METTL15: variants seen among roughly 807,000 people sequenced by gnomAD.
The protein encoded by METTL15 is 12S rRNA N(4)-cytidine methyltransferase METTL15.
Under a neutral mutation model 38.3 loss-of-function variants are expected in METTL15, and 34 were observed. The ratio of observed to expected loss-of-function variants is 0.89; its 90% CI spans 0.68 to 1.18. The LOEUF is 1.18. METTL15 is among the 50% of genes most tolerant of loss of function. The pLI is 0.00. For missense variants in METTL15, 438 were observed against 498.4 expected (o/e 0.88, Z 1.15); for synonymous variants, 162 against 170.9 (o/e 0.95, Z 0.41).
chr11:28,290,156 G>T (rs760958604), intron 4 of METTL15, 50 bp from the exon 5 acceptor site: 8 of 1,465,668 alleles, frequency 5.5e-6, no homozygotes, highest in Non-Finnish European at 6.4e-6. Flanking sequence ...ACTTTAGAAA[G>T]ACTTCAATCT....
chr11:28,203,761 T>G (rs1403394795), intron 3 of METTL15, among the ~76,000 whole-genome samples: 3 of 152,060 alleles, frequency 2.0e-5, no homozygotes, highest in Non-Finnish European at 4.4e-5. Flanking sequence ...TTAGTTGTAT[T>G]TGATTAAAAA....
chr11:28,496,751 T>C (rs1851538995), intron 6 of METTL15, among the ~76,000 whole-genome samples: 1 of 152,238 alleles, frequency 6.6e-6, no homozygotes, highest in Non-Finnish European at 1.5e-5. Context: ...GAGGCTCAGC[T>C]AGTGCCCTGA....
intron 4 of METTL15, among the ~76,000 whole-genome samples, chr11:28,212,197 TA>T (rs1300824160): frequency 6.6e-6 from 1 of 152,040 alleles, no homozygotes; most frequent in African/African-American, 2.4e-5. Flanking sequence ...ACTCTCCCCA[TA>T]AAACTATAAA....
chr11:28,318,983 C>G (rs752493325), intron 6 of METTL15, among the ~76,000 whole-genome samples: 1 of 152,098 alleles, frequency 6.6e-6, no homozygotes, highest in Non-Finnish European at 1.5e-5. Context: ...TTCAATAGAA[C>G]AAAAAGGACA....
chr11:28,217,145 C>T (rs1017719852), intron 4 of METTL15, among the ~76,000 whole-genome samples: 71 of 152,274 alleles, frequency 4.7e-4, no homozygotes, highest in African/African-American at 1.5e-3. Context: ...ACACTGACTT[C>T]CATAACGGTT....
rs1398873381 is a variant in METTL15, at chr11:28,195,657, G to A, written c.271-15405G>A. Among the ~76,000 whole-genome samples the A allele has an allele frequency of 3.3e-5, 5 of 152,064 alleles. No homozygotes were observed. The East Asian group carries it at 9.7e-4, about 29-fold the overall frequency. On this transcript the variant is annotated intron_variant, in intron 3 of 6. Coordinates refer to ENST00000407364, the MANE Select transcript of METTL15 (RefSeq NM_001113528.2). The stretch of plus-strand genomic sequence containing the variant: ...GCACATATTTTCTCTCATTCTCTAG[G>A]TTGTCTGTTTACTCTGATGATTTTT...
At chr11:28,211,969 T>A (rs1852659941) in intron 4 of METTL15, among the ~76,000 whole-genome samples, 1 of 152,022 alleles carries the variant, frequency 6.6e-6, no homozygotes, top group Admixed American at 6.6e-5. Context: ...GAACTGTAGT[T>A]CACATCAAAA....
At chr11:28,383,160 C>A (rs1218902932) in intron 5 of METTL15, among the ~76,000 whole-genome samples, 1 of 152,026 alleles carries the variant, frequency 6.6e-6, no homozygotes, top group South Asian at 2.1e-4. Flanking sequence ...TTGTCGCCTT[C>A]TTTGTGTTCA....
intron 6 of METTL15, among the ~76,000 whole-genome samples, chr11:28,483,065 C>T (rs900259157): frequency 1.3e-5 from 2 of 152,034 alleles, no homozygotes; most frequent in Non-Finnish European, 2.9e-5. Context: ...TAACCAGTCC[C>T]AAACCAGGAA....
rs985939705 is a variant in METTL15 at position 28,203,612 on chromosome 11, C to T, written c.271-7450C>T. ...TTACTATTAGCTTTGCCCCAACTAG[C>T]GACCAGGTAACCTCTCCAGGCCTTG... is the stretch of plus-strand genomic sequence containing the variant. On this transcript the variant is annotated intron_variant, in intron 3 of 6. Coordinates refer to ENST00000407364, the MANE Select transcript of METTL15 (RefSeq NM_001113528.2). 3.1e-4 allele frequency among the ~76,000 whole-genome samples: 47 copies of T among 151,986 alleles called. 1 individual carries two copies. The highest frequency in any genetic ancestry group is 5.8e-4 in the African/African-American group (24 of 41,424).
intron 6 of METTL15, among the ~76,000 whole-genome samples, chr11:28,426,167 C>T (rs532647592): frequency 4.2e-4 from 64 of 152,176 alleles, no homozygotes; most frequent in African/African-American, 1.5e-3. Flanking sequence ...TCTCATAGTT[C>T]ACCTCCCACT....
chr11:28,166,155 G>T (rs1237294069), intron 3 of METTL15, among the ~76,000 whole-genome samples: 1 of 152,054 alleles, frequency 6.6e-6, no homozygotes, highest in Non-Finnish European at 1.5e-5. Flanking sequence ...TTTAAGGATT[G>T]CATTTTTCAT....
intron 6 of METTL15, among the ~76,000 whole-genome samples, chr11:28,496,651 C>A (rs903881731): frequency 6.6e-6 from 1 of 152,140 alleles, no homozygotes; most frequent in African/African-American, 2.4e-5. Flanking sequence ...TGTCTCCTTT[C>A]TAGCTTAATA....
intron 5 of METTL15, among the ~76,000 whole-genome samples, chr11:28,372,355 A>T (rs12791265): frequency 0.42 from 64,292 of 151,444 alleles, 14,998 homozygotes; most frequent in Admixed American, 0.54. Flanking sequence ...ATCTTTTAAA[A>T]CTATTGTTGA....
intron 3 of METTL15, among the ~76,000 whole-genome samples, chr11:28,198,769 C>T (rs1851999600): frequency 6.6e-6 from 1 of 152,094 alleles, no homozygotes; most frequent in African/African-American, 2.4e-5. Context: ...GGTTGGACTT[C>T]TGTGTTCACA....
chr11:28,384,423 T>G (rs537769201), intron 5 of METTL15, among the ~76,000 whole-genome samples: 2 of 151,876 alleles, frequency 1.3e-5, no homozygotes, highest in Admixed American at 6.6e-5. Context: ...ATTCTCATGC[T>G]TCAGCCTCCC....
chr11:28,339,288 G>A (rs1410780840), intron 3 of METTL15, among the ~76,000 whole-genome samples: 1 of 151,858 alleles, frequency 6.6e-6, no homozygotes, highest in Non-Finnish European at 1.5e-5. Context: ...AAAAGATGAA[G>A]AATACATATA....
intron 6 of METTL15, chr11:28,477,658 T>C (rs967670676): frequency 6.6e-6 from 1 of 152,172 alleles, no homozygotes; most frequent in East Asian, 1.9e-4. Flanking sequence ...CTATACACTG[T>C]CTATTTAAAG....
chr11:28,330,394 A>G lies in METTL15; in HGVS notation c.779-2A>G. The G allele has an allele frequency of 6.5e-7, 1 of 1,533,388 alleles. No individual in the cohort carries two copies. The highest frequency in any genetic ancestry group is 8.8e-7 in the Non-Finnish European group (1 of 1,140,652). The allele number at this position is 1,533,388 out of a possible 1,614,324, so 95.0% of individuals were successfully genotyped here. On this transcript the variant is annotated splice_acceptor_variant, in intron 6 of 6. Transcript: ENST00000407364. LOFTEE classifies it high-confidence loss of function. ...TTCCTATCTTTACAACATTTGTTTT[A>G]GGAGCATTTCCTCCCTCTGCTATTT...
Sources: gnomAD v4.1 joint callset for allele counts (sites outside exome capture counted in the v4.1 genomes callset) on GRCh38, gnomAD v4.1.1 for gene constraint, MANE v1.5 for transcripts, NCBI Gene and HGNC (gene_info 2026-07-23, HGNC 2026-07-21) for gene names.